GCC2: variants seen among roughly 807,000 people sequenced by gnomAD.
GCC2 encodes the protein GRIP and coiled-coil domain-containing protein 2.
A neutral mutation model predicts 210.6 loss-of-function variants in GCC2; 120 were observed. That is an observed-to-expected ratio of 0.57 (90% CI 0.49 to 0.66). The LOEUF (loss-of-function observed/expected upper bound fraction) is 0.66, where lower values mean the gene tolerates loss of function less well. GCC2 is among the 30% of genes least tolerant of loss of function. The pLI is 0.00. For synonymous variants in GCC2, 703 were observed against 652.7 expected (o/e 1.08, Z -1.17); for missense variants, 1,868 against 1,871.9 (o/e 1.00, Z 0.04).
chr2:108,469,442 A>G, intron 5 of GCC2: 1 of 479,672 alleles, frequency 2.1e-6, no homozygotes, highest in South Asian at 3.9e-5. Flanking sequence ...AATTTGAGTA[A>G]TAGATTTAAT....
intron 4 of GCC2, among the ~76,000 whole-genome samples, chr2:108,465,103 C>T (rs1680809527): frequency 6.6e-6 from 1 of 152,206 alleles, no homozygotes; most frequent in Non-Finnish European, 1.5e-5. Context: ...CCACTAGACC[C>T]CACTGCCAAC....
chr2:108,504,505 A>G (rs1019387177), intron 22 of GCC2, among the ~76,000 whole-genome samples: 2 of 152,188 alleles, frequency 1.3e-5, no homozygotes, highest in African/African-American at 4.8e-5. Context: ...CTTAGAGTGT[A>G]ACAGTAGTCC....
At chr2:108,453,626 A>T (rs1004239076) in intron 4 of GCC2, among the ~76,000 whole-genome samples, 3 of 152,090 alleles carry the variant, frequency 2.0e-5, no homozygotes, top group Non-Finnish European at 4.4e-5. Context: ...CTGTACTAAA[A>T]ATACAACATT....
chr2:108,481,095 G>A (rs1382977359), intron 9 of GCC2, among the ~76,000 whole-genome samples: 1 of 152,210 alleles, frequency 6.6e-6, no homozygotes, highest in East Asian at 1.9e-4. Flanking sequence ...AACCTAATTA[G>A]CTTGTGTGTG....
chr2:108,457,116 TTATATAA>T (rs894960192), intron 4 of GCC2, among the ~76,000 whole-genome samples: 4 of 141,442 alleles, frequency 2.8e-5, no homozygotes, highest in Admixed American at 6.8e-5. Context: ...CTTTTGGGTC[TTATATAA>T]TATAAGTCTT....
At chr2:108,475,395 T>G (rs1212808376) in intron 7 of GCC2, 140 bp from the exon 8 acceptor site, 2 of 480,568 alleles carry the variant, frequency 4.2e-6, no homozygotes, top group Non-Finnish European at 7.4e-6. Flanking sequence ...CTTTAAAAAA[T>G]GATATTACTG....
intron 4 of GCC2, among the ~76,000 whole-genome samples, chr2:108,459,743 G>GTGTTTTTT (rs1314451766): frequency 1.3e-4 from 2 of 15,498 alleles, no homozygotes; most frequent in South Asian, 4.2e-3. Flanking sequence ...GACCTTCTTT[G>GTGTTTTTT]TCTTTTTTTT....
chr2:108,481,645 A>AAG, intron 9 of GCC2, 52 bp from the exon 10 acceptor site: 2 of 1,422,142 alleles, frequency 1.4e-6, no homozygotes, highest in Non-Finnish European at 1.9e-6. Flanking sequence ...ATGAAGTCTG[A>AAG]CCTGTTGAAT....
chr2:108,504,103 CAG>C (rs1323331953), intron 22 of GCC2, among the ~76,000 whole-genome samples: 4 of 151,804 alleles, frequency 2.6e-5, no homozygotes, highest in Non-Finnish European at 4.4e-5. Flanking sequence ...GCCTGGACAA[CAG>C]AGTAAAACCC....
At chr2:108,488,244 A>G (rs768289282) in intron 17 of GCC2, among the ~76,000 whole-genome samples, 1 of 152,134 alleles carries the variant, frequency 6.6e-6, no homozygotes, top group Non-Finnish European at 1.5e-5. Context: ...GAAATTATGT[A>G]TATTGTTACC....
In GCC2 at chr2:108,469,962, A is replaced by T. The variant is rs771587101; in HGVS notation, c.633A>T (p.Glu211Asp). ...AGCAATTAGACGCTACCACTGATGAAAAGAAGGAAACAGTTACTCAACTCC... is the reference window on the plus strand; with the variant it reads ...AGCAATTAGACGCTACCACTGATGATAAGAAGGAAACAGTTACTCAACTCC... ...LQKQLDATTD[E>D]KKETVTQLQN... The change falls in exon 6 of 23, where the codon GAA becomes GAT. Residue 211 changes from glutamate to aspartate, a missense_variant. Transcript: ENST00000309863. 2 of 1,613,344 alleles carry T rather than the reference A, an allele frequency of 1.2e-6. No homozygotes were observed. The highest frequency in any genetic ancestry group is 1.7e-6 in the Non-Finnish European group (2 of 1,179,640).
At position 108,484,137 on chromosome 2, in the gene GCC2, T is replaced by A; in HGVS notation, c.3451-12T>A. The A allele has an allele frequency of 6.4e-7, 1 of 1,550,958 alleles. No homozygotes were observed. The highest frequency in any genetic ancestry group is 2.3e-5 in the East Asian group (1 of 43,936). The stretch of plus-strand genomic sequence containing the variant: ...TACTATTGTGTAAATCTTTTACTTA[T>A]AAAATGTGCAGGATGCCCAACAAAC... On this transcript the variant is annotated splice_polypyrimidine_tract_variant and intron_variant, in intron 12 of 22. Transcript: ENST00000309863.
chr2:108,465,856 T>C (rs1454902764), intron 4 of GCC2, among the ~76,000 whole-genome samples: 1 of 152,178 alleles, frequency 6.6e-6, no homozygotes, highest in East Asian at 1.9e-4. Flanking sequence ...AAACATCTGT[T>C]GTTTTTGACT....
In GCC2 at chr2:108,471,389, T is replaced by C. The variant is rs1681211062; in HGVS notation, c.2060T>C (p.Val687Ala). 3.1e-6 allele frequency: 5 copies of C among 1,607,890 alleles called. No individual in the cohort carries two copies. Among genetic ancestry groups the C allele is most frequent in the Non-Finnish European group, 3.4e-6 (4 of 1,178,422 alleles). ...SEDKEVLSAE[V>A]KSLYEENNKL... ...GACAAAGAAGTATTGTCAGCTGAAG[T>C]GAAGTCTCTTTATGAGGAAAACAAT... Residue 687 changes from valine (V) to alanine (A), a missense_variant, in exon 6 of 23, where the codon GTG becomes GCG. Coordinates refer to ENST00000309863, the MANE Select transcript of GCC2 (RefSeq NM_181453.4).
chr2:108,507,697 C>A lies in GCC2; in HGVS notation c.*67C>A. On this transcript the variant is annotated 3_prime_UTR_variant, in exon 23 of 23. Transcript: ENST00000309863. ...TTACAAAAATGGTTCACGTATATTACCACAATTCTTTTGTCAAAAAGTGTG... is the reference window on the plus strand; with the variant it reads ...TTACAAAAATGGTTCACGTATATTAACACAATTCTTTTGTCAAAAAGTGTG... The A allele has an allele frequency of 9.0e-7, 1 of 1,111,892 alleles. No homozygotes were observed. The highest frequency in any genetic ancestry group is 1.3e-6 in the Non-Finnish European group (1 of 745,780). The allele number at this position is 1,111,892 out of a possible 1,614,324, so 68.9% of individuals were successfully genotyped here. A position where few individuals can be genotyped will look rare whatever the true frequency, so the allele number is the denominator to read the frequency against.
chr2:108,455,965 T>C (rs1169687516), intron 4 of GCC2, among the ~76,000 whole-genome samples: 1 of 152,184 alleles, frequency 6.6e-6, no homozygotes, highest in Non-Finnish European at 1.5e-5. Flanking sequence ...GCTCTATTTT[T>C]AGTTTTTTGA....
chr2:108,487,544 T>C (rs1682204322), intron 16 of GCC2, among the ~76,000 whole-genome samples, 155 bp from the exon 17 acceptor site: 2 of 152,240 alleles, frequency 1.3e-5, no homozygotes, highest in South Asian at 4.1e-4. Flanking sequence ...AACAGAAGTA[T>C]GCTTTTTAGC....
chr2:108,484,241 C>T lies in GCC2; in HGVS notation c.3543C>T (p.Asn1181=), dbSNP rs143737097. 162 of 1,576,306 alleles carry T rather than the reference C, an allele frequency of 1.0e-4. No homozygotes were observed. In the African/African-American group the frequency reaches 1.6e-3, roughly 16 times the overall value. ...ELNQKLTNKN[N]KIEDLEQEIK... ...ATCAAAAGTTAACTAATAAAAACAA[C>T]AAGATAGAAGATTTGGAGCAAGAAA... Residue 1181 remains asparagine (N), a synonymous_variant, in exon 13 of 23, where the codon AAC becomes AAT. Coordinates refer to ENST00000309863, the MANE Select transcript of GCC2 (RefSeq NM_181453.4).
chr2:108,486,794 T>G, intron 16 of GCC2, 146 bp downstream of exon 16: 1 of 569,336 alleles, frequency 1.8e-6, no homozygotes, highest in Non-Finnish European at 2.8e-6. Context: ...TAATCTGGCT[T>G]TAACCCCAAT....
Sources: gnomAD v4.1 joint callset for allele counts (sites outside exome capture counted in the v4.1 genomes callset) on GRCh38, gnomAD v4.1.1 for gene constraint, MANE v1.5 for transcripts, NCBI Gene and HGNC (gene_info 2026-07-23, HGNC 2026-07-21) for gene names.